TMEFF1: variants seen among roughly 807,000 people sequenced by gnomAD.
TMEFF1 encodes the protein transmembrane protein with EGF like and two follistatin like domains 1, also known as tomoregulin-1.
TMEFF1 carries 20 observed loss-of-function variants against 47.5 expected under a neutral mutation model. The ratio of observed to expected loss-of-function variants is 0.42; its 90% CI spans 0.30 to 0.61. TMEFF1 has a LOEUF of 0.61. TMEFF1 is among the 20% of genes least tolerant of loss of function. The pLI is 0.19. For missense variants in TMEFF1, 411 were observed against 471.1 expected, an observed-to-expected ratio of 0.87 and a Z score of 1.18; for synonymous variants, 162 against 166.3, an observed-to-expected ratio of 0.97 and a Z score of 0.20.
intron 4 of TMEFF1, 60 bp downstream of exon 4, chr9:100,513,393 CTTTTTTT>C (rs376847862): frequency 4.9e-5 from 60 of 1,234,152 alleles, no homozygotes; most frequent in Middle Eastern, 2.9e-4. Flanking sequence ...CTTTCTTTTT[CTTTTTTT>C]TTTTTTTTTT....
At chr9:100,551,761 A>T (rs1369814709) in intron 7 of TMEFF1, among the ~76,000 whole-genome samples, 1 of 152,260 alleles carries the variant, frequency 6.6e-6, no homozygotes, top group Admixed American at 6.5e-5. Context: ...TCTAAAATAT[A>T]TGCATCTTTA....
At chr9:100,513,876 G>A (rs1463089717) in intron 4 of TMEFF1, among the ~76,000 whole-genome samples, 1 of 152,138 alleles carries the variant, frequency 6.6e-6, no homozygotes, top group Non-Finnish European at 1.5e-5. Context: ...AACTCTCGTG[G>A]AATTTAGAGT....
intron 7 of TMEFF1, among the ~76,000 whole-genome samples, chr9:100,556,928 C>T (rs568660505): frequency 6.6e-6 from 1 of 151,918 alleles, no homozygotes; most frequent in South Asian, 2.1e-4. Flanking sequence ...TCACTGCAAC[C>T]TTCCACCTCC....
chr9:100,500,917 G>A (rs536773561), intron 2 of TMEFF1, among the ~76,000 whole-genome samples: 1 of 152,336 alleles, frequency 6.6e-6, no homozygotes, highest in South Asian at 2.1e-4. Flanking sequence ...AGCAACACAA[G>A]TATCAATTCA....
intron 1 of TMEFF1, among the ~76,000 whole-genome samples, chr9:100,474,477 G>T (rs769850041): frequency 6.6e-5 from 10 of 152,018 alleles, no homozygotes; most frequent in Non-Finnish European, 4.4e-5. Flanking sequence ...GAAGCCTGGG[G>T]CTCAGTTAGT....
At chr9:100,566,908 T>G (rs1382289950) in intron 8 of TMEFF1, among the ~76,000 whole-genome samples, 1 of 152,090 alleles carries the variant, frequency 6.6e-6, no homozygotes, top group African/African-American at 2.4e-5. Flanking sequence ...TTTCAGCACG[T>G]TGGCCAGGCT....
At chr9:100,477,177 AATTAAT>A (rs1837250318) in intron 1 of TMEFF1, among the ~76,000 whole-genome samples, 1 of 152,180 alleles carries the variant, frequency 6.6e-6, no homozygotes, top group Non-Finnish European at 1.5e-5. Context: ...GGCTTCATTA[AATTAAT>A]AGAAGTTGTC....
intron 1 of TMEFF1, among the ~76,000 whole-genome samples, chr9:100,480,478 G>A (rs539096634): frequency 3.9e-5 from 6 of 152,296 alleles, no homozygotes; most frequent in African/African-American, 1.2e-4. Flanking sequence ...AAGACAAGAA[G>A]CTGAAAGAAT....
At chr9:100,554,234 T>G (rs1381212480) in intron 7 of TMEFF1, among the ~76,000 whole-genome samples, 1 of 152,182 alleles carries the variant, frequency 6.6e-6, no homozygotes, top group African/African-American at 2.4e-5. Context: ...GCTCTTTTGA[T>G]ATGTCCTTTT....
intron 3 of TMEFF1, among the ~76,000 whole-genome samples, chr9:100,510,168 C>T (rs938100889): frequency 3.3e-5 from 5 of 152,218 alleles, no homozygotes; most frequent in African/African-American, 1.2e-4. Flanking sequence ...CAAGGCTGTT[C>T]TCACTTCTGA....
At chr9:100,482,354 C>T (rs1317212266) in intron 1 of TMEFF1, among the ~76,000 whole-genome samples, 7 of 152,110 alleles carry the variant, frequency 4.6e-5, no homozygotes, top group South Asian at 4.1e-4. Context: ...CACGCCACCA[C>T]GCCTGGCTAA....
chr9:100,482,404 G>A (rs532971272), intron 1 of TMEFF1, among the ~76,000 whole-genome samples: 3 of 150,906 alleles, frequency 2.0e-5, no homozygotes, highest in Non-Finnish European at 4.4e-5. Context: ...CACCATATTG[G>A]CCAGGCTGGT....
At chr9:100,536,123 A>C (rs1170321519) in intron 5 of TMEFF1, among the ~76,000 whole-genome samples, 2 of 152,242 alleles carry the variant, frequency 1.3e-5, no homozygotes, top group Non-Finnish European at 2.9e-5. Context: ...GTGTGTATAT[A>C]GATCAGGCTA....
intron 5 of TMEFF1, among the ~76,000 whole-genome samples, chr9:100,532,042 A>G (rs2118453628): frequency 6.6e-6 from 1 of 152,004 alleles, no homozygotes; most frequent in Non-Finnish European, 1.5e-5. Flanking sequence ...AGCCATATGT[A>G]GAAAGCTGAA....
At position 100,498,715 on chromosome 9, in the gene TMEFF1, A is replaced by G. The variant is rs1263923279; in HGVS notation, c.197-50A>G. On this transcript the variant is annotated intron_variant, in intron 1 of 9. Transcript: ENST00000374879. ...CACACACACGCGCACAGACACACAC[A>G]CGTAATAAAAAGCCAAATATATATG... 14 of 1,573,822 alleles carry G rather than the reference A, an allele frequency of 8.9e-6. No individual in the cohort carries two copies. In the South Asian group the frequency reaches 1.0e-4, roughly 11 times the overall value.
chr9:100,549,407 A>G (rs529641331), intron 6 of TMEFF1, among the ~76,000 whole-genome samples: 1 of 152,302 alleles, frequency 6.6e-6, no homozygotes, highest in Admixed American at 6.5e-5. Context: ...GGGGATTACA[A>G]TTAGACACGG....
chr9:100,490,699 G>A (rs552134807), intron 1 of TMEFF1, among the ~76,000 whole-genome samples: 957 of 59,134 alleles, frequency 0.016, 12 homozygotes, highest in African/African-American at 0.065. Flanking sequence ...ATCACATTGA[G>A]GTTTTTTTTT....
chr9:100,528,408 G>A (rs10989139), intron 5 of TMEFF1, among the ~76,000 whole-genome samples: 18,156 of 123,574 alleles, frequency 0.15, 1,811 homozygotes, highest in African/African-American at 0.24. Context: ...GAGCTGATGG[G>A]GCTGAAAATC....
chr9:100,536,380 G>A (rs2118471434), intron 5 of TMEFF1, among the ~76,000 whole-genome samples: 1 of 152,198 alleles, frequency 6.6e-6, no homozygotes, highest in African/African-American at 2.4e-5. Context: ...CCTTTATGCT[G>A]AGCCTTGAGG....
Sources: gnomAD v4.1 joint callset for allele counts (sites outside exome capture counted in the v4.1 genomes callset) on GRCh38, gnomAD v4.1.1 for gene constraint, MANE v1.5 for transcripts, NCBI Gene and HGNC (gene_info 2026-07-23, HGNC 2026-07-21) for gene names.